Variants in BRCA2 observed in about 807,000 individuals in gnomAD.
BRCA2 encodes breast cancer type 2 susceptibility protein.
Under a neutral mutation model 276.7 loss-of-function variants are expected in BRCA2, and 203 were observed. That is an observed-to-expected ratio of 0.73 (90% confidence interval 0.65 to 0.82). BRCA2 has a LOEUF of 0.82. BRCA2 is among the 40% of genes least tolerant of loss of function. The probability of loss-of-function intolerance (pLI) is 0.00; values close to 1 mark genes in which losing one functional copy is unlikely to be tolerated. For synonymous variants in BRCA2, 1,289 were observed against 1,338.4 expected (o/e 0.96, Z 0.81); for missense variants, 3,920 against 3,915.0 (o/e 1.00, Z -0.03).
chr13:32,320,821 C>T (rs918522332), intron 3 of BRCA2, among the ~76,000 whole-genome samples: 1 of 152,194 alleles, frequency 6.6e-6, no homozygotes, highest in Admixed American at 6.5e-5. Context: ...AATGATCAAA[C>T]AGCAGTCTTT....
chr13:32,352,830 G>A (rs1332796296), intron 13 of BRCA2, among the ~76,000 whole-genome samples: 1 of 152,204 alleles, frequency 6.6e-6, no homozygotes, highest in Non-Finnish European at 1.5e-5. Context: ...CCTAGCAGAG[G>A]AGGTAGAGGG....
chr13:32,363,485 T>G lies in BRCA2; in HGVS notation c.8283T>G (p.Ser2761=), dbSNP rs776062931. 2.5e-6 allele frequency: 4 copies of G among 1,614,034 alleles called. No homozygotes were observed. Among genetic ancestry groups the G allele is most frequent in the Non-Finnish European group, 2.5e-6 (3 of 1,180,022 alleles). The part of the protein sequence containing the change: ...IILHGAELVG[S]PDACTPLEAP... ...TTCATGGAGCAGAACTGGTGGGCTC[T>G]CCTGATGCCTGTACACCTCTTGAAG... Residue 2761 remains serine, a synonymous_variant, in exon 18 of 27, where the codon TCT becomes TCG. Transcript: ENST00000380152.
Position 32,340,436 on chromosome 13 carries a change from A to G in BRCA2, c.6081A>G (p.Arg2027=), listed in dbSNP as rs2137524035. Residue 2027 remains arginine, a synonymous_variant, in exon 11 of 27, where the codon AGA becomes AGG. Transcript: ENST00000380152. ...ACGAACATTCAGACCAGCTCACAAG[A>G]GAAGAAAATACTGCTATACGTACTC... ...KSNEHSDQLT[R]EENTAIRTPE... is the part of the protein sequence containing the mutation. 1 of 1,613,888 alleles carries G rather than the reference A, an allele frequency of 6.2e-7. No individual in the cohort carries two copies. The highest frequency in any genetic ancestry group is 8.5e-7 in the Non-Finnish European group (1 of 1,179,864).
intron 24 of BRCA2, among the ~76,000 whole-genome samples, chr13:32,381,545 C>T (rs541328864): frequency 6.6e-6 from 1 of 152,230 alleles, no homozygotes; most frequent in East Asian, 1.9e-4. Context: ...GGCCGCAGTA[C>T]AGCAGGATCA....
intron 12 of BRCA2, among the ~76,000 whole-genome samples, chr13:32,345,622 C>CT (rs1221937139): frequency 6.6e-6 from 1 of 151,920 alleles, no homozygotes; most frequent in East Asian, 1.9e-4. Context: ...GGGACCAGGA[C>CT]TATTTCAGAT....
rs1197620921 is a variant in BRCA2, at chr13:32,330,559, C to A, written c.682-360C>A. ...ATAGCCGATCTGATAACCAAGACAA[C>A]TACTAAGTGACTAATAGGTGGGTAC... On this transcript the variant is annotated intron_variant, in intron 8 of 26. Coordinates refer to ENST00000380152, the MANE Select transcript of BRCA2 (RefSeq NM_000059.4). Among the ~76,000 whole-genome samples the A allele has an allele frequency of 2.0e-5, 3 of 152,180 alleles. No individual in the cohort carries two copies. In the East Asian group the frequency reaches 5.8e-4, roughly 29 times the overall value.
chr13:32,354,965 C>A lies in BRCA2; in HGVS notation c.7112C>A (p.Ser2371Tyr), dbSNP rs1453603435. The change falls in exon 14 of 27, where the codon TCT becomes TAT. Residue 2371 changes from serine (S) to tyrosine (Y), a missense_variant. Physicochemically the swap from Ser to Tyr is moderately radical, Grantham distance 144. Coordinates refer to ENST00000380152, the MANE Select transcript of BRCA2 (RefSeq NM_000059.4). ...TATGAACATCTGACTTTGGAAAAAT[C>A]TTCAAGCAATTTAGCAGTTTCAGGA... Reference protein sequence around the residue: ...HLYEHLTLEKSSSNLAVSGHP... With the variant: ...HLYEHLTLEKYSSNLAVSGHP... The A allele has an allele frequency of 1.2e-6, 2 of 1,613,596 alleles. No individual in the cohort carries two copies. Among genetic ancestry groups the A allele is most frequent in the Non-Finnish European group, 1.7e-6 (2 of 1,179,732 alleles).
rs1223711283 is a variant in BRCA2, at chr13:32,379,733, C to T, written c.8954-17C>T. 1.2e-6 allele frequency: 2 copies of T among 1,605,650 alleles called. No individual in the cohort carries two copies. Among genetic ancestry groups the T allele is most frequent in the East Asian group, 2.2e-5 (1 of 44,776 alleles). ...ATCACTTCTTCCATTGCATCTTTCT[C>T]ATCTTTCTCCAAACAGTTATACTGA... On this transcript the variant is annotated splice_polypyrimidine_tract_variant and intron_variant, in intron 22 of 26. Transcript: ENST00000380152.
chr13:32,328,063 T>C (rs767848013), intron 7 of BRCA2, among the ~76,000 whole-genome samples: 68 of 152,142 alleles, frequency 4.5e-4, no homozygotes, highest in Admixed American at 1.2e-3. Context: ...TTTATTTTTA[T>C]GAGATAATAA....
chr13:32,381,510 G>A (rs2072924311), intron 24 of BRCA2, among the ~76,000 whole-genome samples: 1 of 152,240 alleles, frequency 6.6e-6, no homozygotes, highest in East Asian at 1.9e-4. Context: ...GGCCATCTGG[G>A]GAAAGCTTTC....
intron 13 of BRCA2, among the ~76,000 whole-genome samples, chr13:32,347,208 CT>C (rs1434497568): frequency 6.6e-6 from 1 of 151,950 alleles, no homozygotes; most frequent in African/African-American, 2.4e-5. Context: ...TAAAAATATC[CT>C]TTTATCTCTC....
At chr13:32,356,275 G>T (rs1228833015) in intron 14 of BRCA2, among the ~76,000 whole-genome samples, 153 bp from the exon 15 acceptor site, 1 of 151,208 alleles carries the variant, frequency 6.6e-6, no homozygotes, top group African/African-American at 2.4e-5. Context: ...TCTCCATTTT[G>T]GTCAGGCTGG....
At chr13:32,350,468 G>C (rs1215537659) in intron 13 of BRCA2, among the ~76,000 whole-genome samples, 1 of 152,150 alleles carries the variant, frequency 6.6e-6, no homozygotes, top group Non-Finnish European at 1.5e-5. Flanking sequence ...ACCCATTAAT[G>C]GCCGGGTGTG....
intron 24 of BRCA2, 139 bp from the exon 25 acceptor site, chr13:32,394,550 G>A (rs946287662): frequency 4.5e-5 from 50 of 1,122,528 alleles, no homozygotes; most frequent in Admixed American, 5.6e-5. Context: ...CTGAGCTTTC[G>A]CCAAATTCAG....
At position 32,340,247 on chromosome 13, in the gene BRCA2, G is replaced by T. The variant is rs777289792; in HGVS notation, c.5892G>T (p.Lys1964Asn). ...TSDICKCSIG[K>N]LHKSVSSANT... Reference sequence around the variant, plus strand: ...ATATATGTAAATGTAGTATAGGGAAGCTTCATAAGTCAGTCTCATCTGCAA... The same window carrying T: ...ATATATGTAAATGTAGTATAGGGAATCTTCATAAGTCAGTCTCATCTGCAA... The change falls in exon 11 of 27, where the codon AAG becomes AAT. Residue 1964 changes from lysine (K) to asparagine (N), a missense_variant. This residue lies in a region of BRCA2 where 3,263 missense variants were observed against 3,156.9 expected (regional missense o/e 1.03). Transcript: ENST00000380152. The T allele has an allele frequency of 6.2e-7, 1 of 1,613,994 alleles. No individual in the cohort carries two copies. The highest frequency in any genetic ancestry group is 1.1e-5 in the South Asian group (1 of 91,080).
In BRCA2 at chr13:32,355,097, AT is replaced by A. The variant is rs886038163; in HGVS notation, c.7248del (p.His2417ThrfsTer50). Reference sequence around the variant, plus strand: ...GTTCCACCTTTTAAAACTAAATCACATTTTCACAGAGTTGAACAGTGTGTTA... The same window carrying A: ...GTTCCACCTTTTAAAACTAAATCACATTTCACAGAGTTGAACAGTGTGTTA... The part of the protein sequence containing the change: ...VFVPPFKTKS[H>X]FHRVEQCVRN... On this transcript the variant is annotated frameshift_variant, in exon 14 of 27. Coordinates refer to ENST00000380152, the MANE Select transcript of BRCA2 (RefSeq NM_000059.4). LOFTEE classifies it high-confidence loss of function. 1 of 1,613,828 alleles carries A rather than the reference AT, an allele frequency of 6.2e-7. No individual in the cohort carries two copies. Among genetic ancestry groups the A allele is most frequent in the Non-Finnish European group, 8.5e-7 (1 of 1,179,762 alleles).
rs80359013 is a variant in BRCA2 at position 32,362,595 on chromosome 13, G to A, written c.7878G>A (p.Trp2626Ter). 6.2e-7 allele frequency: 1 copy of A among 1,614,014 alleles called. No individual in the cohort carries two copies. Among genetic ancestry groups the A allele is most frequent in the East Asian group, 2.2e-5 (1 of 44,896 alleles). ...SRIWVYNHYR[W>*]IIWKLAAMEC... ...TTTGGGTTTATAATCACTATAGATG[G>A]ATCATATGGAAACTGGCAGCTATGG... Residue 2626 changes from tryptophan to a stop codon, truncating the protein, a stop_gained, in exon 17 of 27, where the codon TGG becomes TGA. Transcript: ENST00000380152. LOFTEE classifies it high-confidence loss of function.
intron 21 of BRCA2, 41 bp downstream of exon 21, chr13:32,376,832 T>C: frequency 6.2e-7 from 1 of 1,610,586 alleles, no homozygotes; most frequent in Non-Finnish European, 8.5e-7. Flanking sequence ...TTGATGATTA[T>C]TCAAGGTGAG....
At position 32,340,464 on chromosome 13, in the gene BRCA2, G is replaced by T. The variant is rs1064795651; in HGVS notation, c.6109G>T (p.Glu2037Ter). 1 of 1,613,720 alleles carries T rather than the reference G, an allele frequency of 6.2e-7. No homozygotes were observed. The highest frequency in any genetic ancestry group is 1.1e-5 in the South Asian group (1 of 91,066). ...AGAAAATACTGCTATACGTACTCCA[G>T]AACATTTAATATCCCAAAAAGGCTT... is the stretch of plus-strand genomic sequence containing the variant. ...REENTAIRTP[E>*]HLISQKGFSY... The change falls in exon 11 of 27, where the codon GAA becomes TAA. Residue 2037 changes from glutamate to a stop codon, truncating the protein, a stop_gained. Coordinates refer to ENST00000380152, the MANE Select transcript of BRCA2 (RefSeq NM_000059.4). LOFTEE classifies it high-confidence loss of function.
Sources: allele counts gnomAD v4.1 joint callset (sites outside exome capture counted in the v4.1 genomes callset), GRCh38; gene constraint gnomAD v4.1.1; regional missense constraint gnomAD v4.1.1; transcripts MANE v1.5; gene names NCBI Gene and HGNC (gene_info 2026-07-23, HGNC 2026-07-21).